DYNC1I1: variants seen among roughly 807,000 people sequenced by gnomAD.
The protein encoded by DYNC1I1 is cytoplasmic dynein 1 intermediate chain 1.
DYNC1I1 carries 43 observed loss-of-function variants against 86.6 expected under a neutral mutation model. The observed-to-expected ratio is 0.50, with a 90% confidence interval of 0.39 to 0.64. DYNC1I1 has a LOEUF of 0.64. Among genes scored for constraint, DYNC1I1 ranks in the 30% least tolerant of loss-of-function variants. The pLI, the probability that DYNC1I1 is intolerant of heterozygous loss-of-function variation, is 0.00. For synonymous variants in DYNC1I1, 262 were observed against 283.7 expected (o/e 0.92, Z 0.77); for missense variants, 604 against 788.8 (o/e 0.77, Z 2.81).
chr7:95,995,155 G>A (rs1417837580), intron 9 of DYNC1I1, among the ~76,000 whole-genome samples: 1 of 152,094 alleles, frequency 6.6e-6, no homozygotes, highest in African/African-American at 2.4e-5. Flanking sequence ...GCTGAGGCAG[G>A]AGAATGGCGT....
intron 5 of DYNC1I1, chr7:95,837,488 G>C: frequency 6.6e-6 from 1 of 152,434 alleles, no homozygotes; most frequent in East Asian, 1.9e-4. Flanking sequence ...AGCTGTGGTG[G>C]GCTCCACCCA....
rs117085170 is a variant in DYNC1I1 at position 95,821,877 on chromosome 7, G to A, written c.315-6180G>A. Among the ~76,000 whole-genome samples, 1,428 of 152,272 alleles carry A rather than the reference G, an allele frequency of 9.4e-3. 8 individuals carry two copies. Among genetic ancestry groups the A allele is most frequent in the Non-Finnish European group, 0.015 (1,035 of 68,016 alleles). On this transcript the variant is annotated intron_variant, in intron 4 of 16. Coordinates refer to ENST00000447467, the MANE Select transcript of DYNC1I1 (RefSeq NM_001135556.2). Reference sequence around the variant, plus strand: ...ACTGCCTTAGCCACATTGAGTGTTAGCATTATAAATGAGAAATTTGTTAAC... The same window carrying A: ...ACTGCCTTAGCCACATTGAGTGTTAACATTATAAATGAGAAATTTGTTAAC...
chr7:95,868,075 G>T (rs867647301), intron 5 of DYNC1I1, among the ~76,000 whole-genome samples: 1 of 152,190 alleles, frequency 6.6e-6, no homozygotes, highest in East Asian at 1.9e-4. Flanking sequence ...TAAGAAGGGA[G>T]CAAGGTTTGT....
intron 5 of DYNC1I1, among the ~76,000 whole-genome samples, chr7:95,859,567 T>C (rs1315879446): frequency 1.3e-5 from 2 of 152,208 alleles, no homozygotes; most frequent in Non-Finnish European, 2.9e-5. Flanking sequence ...TGTTGGGGTA[T>C]GCATGAAGCC....
chr7:95,939,766 T>A (rs199582758), intron 6 of DYNC1I1, among the ~76,000 whole-genome samples: 16 of 152,246 alleles, frequency 1.1e-4, no homozygotes, highest in Non-Finnish European at 1.8e-4. Flanking sequence ...GCCAGTCTGT[T>A]TCTTTTAATT....
intron 14 of DYNC1I1, among the ~76,000 whole-genome samples, chr7:96,045,753 A>G (rs896470325): frequency 6.6e-6 from 1 of 152,290 alleles, no homozygotes; most frequent in African/African-American, 2.4e-5. Context: ...AGGCAAAGGC[A>G]TGTATCATGG....
At chr7:95,856,234 A>G (rs1459608532) in intron 5 of DYNC1I1, among the ~76,000 whole-genome samples, 1 of 152,194 alleles carries the variant, frequency 6.6e-6, no homozygotes, top group Admixed American at 6.5e-5. Context: ...TGTGAGGGTC[A>G]TTAATATCAC....
chr7:95,960,227 C>T (rs2019069), intron 6 of DYNC1I1, among the ~76,000 whole-genome samples: 7,520 of 152,246 alleles, frequency 0.049, 357 homozygotes, highest in African/African-American at 0.12. Context: ...CTGCCTCAGC[C>T]TCCCGAGTAG....
intron 5 of DYNC1I1, among the ~76,000 whole-genome samples, chr7:95,834,477 T>C (rs1192466565): frequency 6.6e-5 from 7 of 106,814 alleles, no homozygotes; most frequent in African/African-American, 2.9e-4. Flanking sequence ...AGAATGATGC[T>C]GGCCTCATAA....
At chr7:95,799,869 A>T (rs1456957147) in intron 1 of DYNC1I1, among the ~76,000 whole-genome samples, 4 of 151,944 alleles carry the variant, frequency 2.6e-5, no homozygotes, top group African/African-American at 9.7e-5. Flanking sequence ...TTGAGTGATG[A>T]CATGGTTATT....
At chr7:96,101,484 A>G (rs949660938), downstream of DYNC1I1, among the ~76,000 whole-genome samples, 1 of 152,204 alleles carries the variant, frequency 6.6e-6, no homozygotes, top group Non-Finnish European at 1.5e-5. Flanking sequence ...GTCCTTCCCC[A>G]AAAGGACCTA....
intron 16 of DYNC1I1, among the ~76,000 whole-genome samples, chr7:96,093,425 C>G (rs1424218706): frequency 1.3e-5 from 2 of 152,156 alleles, no homozygotes; most frequent in African/African-American, 4.8e-5. Context: ...CAAATTGCTA[C>G]CTCAGTAACT....
At chr7:95,983,120 T>C (rs774001767) in intron 7 of DYNC1I1, among the ~76,000 whole-genome samples, 5 of 152,144 alleles carry the variant, frequency 3.3e-5, no homozygotes, top group Admixed American at 6.6e-5. Flanking sequence ...CTTTGTGTTA[T>C]TTATGACCTC....
intron 6 of DYNC1I1, among the ~76,000 whole-genome samples, chr7:95,977,123 CATCTGT>C (rs1793325636): frequency 6.6e-6 from 1 of 152,188 alleles, no homozygotes; most frequent in Non-Finnish European, 1.5e-5. Context: ...GGAAATGAGT[CATCTGT>C]ACAACAGGTG....
intron 5 of DYNC1I1, among the ~76,000 whole-genome samples, chr7:95,835,130 C>A (rs1789041799): frequency 1.2e-5 from 1 of 82,784 alleles, no homozygotes; most frequent in Non-Finnish European, 2.3e-5. Context: ...TTTCCCTCTA[C>A]ACACTGCTTT....
In DYNC1I1 at chr7:95,883,943, G is replaced by T. The variant is rs549603372; in HGVS notation, c.490+13945G>T. 1.1e-3 allele frequency among the ~76,000 whole-genome samples: 174 copies of T among 152,028 alleles called. 1 individual carries two copies. Among genetic ancestry groups the T allele is most frequent in the African/African-American group, 3.9e-3 (160 of 41,472 alleles). On this transcript the variant is annotated intron_variant, in intron 6 of 16. Coordinates refer to ENST00000447467, the MANE Select transcript of DYNC1I1 (RefSeq NM_001135556.2). ...TAGAAGTTTATGTTTTTTTAATGAA[G>T]ATTTTTTGCATTTTTGAATATTTTA...
intron 6 of DYNC1I1, among the ~76,000 whole-genome samples, chr7:95,947,306 A>G (rs1190016176): frequency 6.6e-6 from 1 of 152,130 alleles, no homozygotes; most frequent in East Asian, 1.9e-4. Context: ...GTGTGTTAGT[A>G]TGTGTCATTA....
intron 5 of DYNC1I1, among the ~76,000 whole-genome samples, chr7:95,833,595 C>A (rs1307580537): frequency 2.8e-5 from 4 of 143,988 alleles, no homozygotes; most frequent in African/African-American, 7.8e-5. Flanking sequence ...ATTCTTCCTA[C>A]CCATGAGCAT....
Position 96,028,277 on chromosome 7 carries a change from A to G in DYNC1I1, c.1072A>G (p.Arg358Gly), listed in dbSNP as rs761198234. 4 of 1,613,874 alleles carry G rather than the reference A, an allele frequency of 2.5e-6. No homozygotes were observed. Among genetic ancestry groups the G allele is most frequent in the Non-Finnish European group, 3.4e-6 (4 of 1,179,816 alleles). The stretch of plus-strand genomic sequence containing the variant: ...CCTCTGGGACAATCGCAGTCATCGA[A>G]GGACTCCAGTGCAGCGGACACCCTT... ...IVLWDNRSHRRTPVQRTPLSA... is the reference protein window; with the variant it reads ...IVLWDNRSHRGTPVQRTPLSA... The change falls in exon 11 of 17, where the codon AGG becomes GGG. Residue 358 changes from arginine (R) to glycine (G), a missense_variant. Coordinates refer to ENST00000447467, the MANE Select transcript of DYNC1I1 (RefSeq NM_001135556.2).
Sources: allele counts gnomAD v4.1 joint callset (sites outside exome capture counted in the v4.1 genomes callset), GRCh38; gene constraint gnomAD v4.1.1; transcripts MANE v1.5; gene names NCBI Gene and HGNC (gene_info 2026-07-23, HGNC 2026-07-21).